The following IREB2 variants were observed in gnomAD, a reference collection of about 807,000 sequenced individuals.
IREB2 encodes the protein iron-responsive element-binding protein 2.
IREB2 carries 39 observed loss-of-function variants against 118.8 expected under a neutral mutation model. The observed-to-expected ratio is 0.33, with a 90% CI of 0.25 to 0.43. The LOEUF (loss-of-function observed/expected upper bound fraction) is 0.43. Ranked by LOEUF, IREB2 falls within the 20% of genes least tolerant of loss-of-function variation. IREB2 has a pLI of 1.00. For missense variants in IREB2, 900 were observed against 1,147.3 expected, an observed-to-expected ratio of 0.78 and a Z score of 3.11; for synonymous variants, 372 against 392.2, an observed-to-expected ratio of 0.95 and a Z score of 0.61.
intron 9 of IREB2, among the ~76,000 whole-genome samples, chr15:78,477,245 C>CTGTG (rs2051487184): frequency 1.3e-5 from 2 of 152,102 alleles, no homozygotes; most frequent in Admixed American, 1.3e-4. Flanking sequence ...ACAAATTATC[C>CTGTG]TAAAATTTAG....
At chr15:78,480,686 T>TAA (rs373261767) in intron 10 of IREB2, among the ~76,000 whole-genome samples, 14,754 of 89,706 alleles carry the variant, frequency 0.16, 1,654 homozygotes, top group South Asian at 0.35. Context: ...GAGACTGTCT[T>TAA]AAAAAAAAAA....
chr15:78,497,837 A>G (rs1337810637), intron 21 of IREB2, among the ~76,000 whole-genome samples, 196 bp from the exon 22 acceptor site: 2 of 152,228 alleles, frequency 1.3e-5, no homozygotes, highest in East Asian at 3.8e-4. Flanking sequence ...TATGAAGCCC[A>G]TGGTCAGGTA....
intron 16 of IREB2, 109 bp downstream of exon 16, chr15:78,488,880 G>A (rs2051704696): frequency 3.0e-6 from 2 of 658,710 alleles, no homozygotes; most frequent in Admixed American, 3.7e-5. Flanking sequence ...TTTGAATACA[G>A]TTTTTAATGT....
At chr15:78,470,142 A>G (rs9972290) in intron 5 of IREB2, among the ~76,000 whole-genome samples, 147,498 of 152,294 alleles carry the variant, frequency 0.97, 71,609 homozygotes, top group Middle Eastern at 1. Context: ...AATAATCAGC[A>G]CCCATCTCCT....
chr15:78,456,931 T>C (rs943478065), intron 2 of IREB2, among the ~76,000 whole-genome samples: 1 of 152,218 alleles, frequency 6.6e-6, no homozygotes, highest in African/African-American at 2.4e-5. Context: ...TTTTAGACTT[T>C]AGTAGTTTTA....
chr15:78,457,327 G>C (rs1352671360), intron 2 of IREB2, among the ~76,000 whole-genome samples: 1 of 152,204 alleles, frequency 6.6e-6, no homozygotes, highest in East Asian at 1.9e-4. Context: ...TGTTGTAGAA[G>C]AGTCTGCTCT....
At chr15:78,464,996 C>T (rs1021668813) in intron 3 of IREB2, among the ~76,000 whole-genome samples, 6 of 152,158 alleles carry the variant, frequency 3.9e-5, no homozygotes, top group African/African-American at 1.4e-4. Context: ...GGCATTTTCC[C>T]TGAAGTTCGC....
chr15:78,473,228 C>T lies in IREB2; in HGVS notation c.884-14C>T, dbSNP rs2051408841. On this transcript the variant is annotated splice_polypyrimidine_tract_variant and intron_variant, in intron 7 of 21. Transcript: ENST00000258886. ...AAATATACTGTGCTAATATACCTGT[C>T]TTTATTACGTTAGGGGTTGGAGGCA... 6.2e-7 allele frequency: 1 copy of T among 1,611,404 alleles called. No individual in the cohort carries two copies. Among genetic ancestry groups the T allele is most frequent in the Admixed American group, 1.7e-5 (1 of 59,766 alleles).
intron 2 of IREB2, among the ~76,000 whole-genome samples, chr15:78,456,077 T>C (rs1044295176): frequency 1.3e-5 from 2 of 152,176 alleles, no homozygotes; most frequent in Non-Finnish European, 2.9e-5. Context: ...AGCCTAGCTT[T>C]GGAAGGCTCA....
At chr15:78,479,274 C>CATT (rs1286611786) in intron 10 of IREB2, among the ~76,000 whole-genome samples, 2 of 151,566 alleles carry the variant, frequency 1.3e-5, no homozygotes, top group African/African-American at 4.9e-5. Context: ...GGGTAGCTAT[C>CATT]ATTATTATTA....
At chr15:78,483,529 T>C in intron 11 of IREB2, 95 bp downstream of exon 11, 1 of 719,246 alleles carries the variant, frequency 1.4e-6, no homozygotes, top group East Asian at 2.5e-5. Flanking sequence ...TTCACTGCTA[T>C]GTTTTATATA....
chr15:78,443,750 G>A (rs146099116), intron 2 of IREB2, among the ~76,000 whole-genome samples: 52 of 152,068 alleles, frequency 3.4e-4, no homozygotes, highest in Admixed American at 1.1e-3. Context: ...GGGTTCAAAC[G>A]ATTCTCGTGC....
intron 5 of IREB2, among the ~76,000 whole-genome samples, chr15:78,470,318 A>T (rs1566976745): frequency 6.6e-6 from 1 of 152,232 alleles, no homozygotes; most frequent in South Asian, 2.1e-4. Flanking sequence ...CACTCAGTAA[A>T]ATACAACTCA....
At chr15:78,477,399 G>A (rs1252514647) in intron 9 of IREB2, among the ~76,000 whole-genome samples, 1 of 152,142 alleles carries the variant, frequency 6.6e-6, no homozygotes, top group Non-Finnish European at 1.5e-5. Context: ...AATCCTGAAG[G>A]CTTGTTGTGC....
At chr15:78,448,009 T>G (rs1478312798) in intron 2 of IREB2, among the ~76,000 whole-genome samples, 1 of 152,328 alleles carries the variant, frequency 6.6e-6, no homozygotes, top group East Asian at 1.9e-4. Context: ...TAGAAGGAAC[T>G]TTTTAGAAAG....
At chr15:78,480,784 C>T (rs557637646) in intron 10 of IREB2, among the ~76,000 whole-genome samples, 1 of 150,768 alleles carries the variant, frequency 6.6e-6, no homozygotes, top group Admixed American at 6.6e-5. Flanking sequence ...CCGAAACAGG[C>T]AAATCATGAG....
chr15:78,478,972 T>C (rs2051521785), intron 10 of IREB2, among the ~76,000 whole-genome samples: 1 of 152,186 alleles, frequency 6.6e-6, no homozygotes, highest in Non-Finnish European at 1.5e-5. Flanking sequence ...CCAGTCCGGC[T>C]CTTTCACCAG....
chr15:78,473,489 T>C (rs887784467), intron 8 of IREB2, 108 bp downstream of exon 8: 6 of 787,542 alleles, frequency 7.6e-6, no homozygotes, highest in Non-Finnish European at 1.2e-5. Context: ...TCCTCAGGTC[T>C]CTTGACGTTA....
chr15:78,458,635 T>C (rs2051144801), intron 2 of IREB2, among the ~76,000 whole-genome samples: 1 of 152,156 alleles, frequency 6.6e-6, no homozygotes, highest in Admixed American at 6.5e-5. Context: ...TGTTATTTTC[T>C]GTCCTGAACC....
Sources: allele counts gnomAD v4.1 joint callset (sites outside exome capture counted in the v4.1 genomes callset), GRCh38; gene constraint gnomAD v4.1.1; transcripts MANE v1.5; gene names NCBI Gene and HGNC (gene_info 2026-07-23, HGNC 2026-07-21).